The following TVP23A variants were observed in gnomAD, a reference collection of about 807,000 sequenced individuals.
The protein encoded by TVP23A is Golgi apparatus membrane protein TVP23 homolog A.
Under a neutral mutation model 31.7 loss-of-function variants are expected in TVP23A, and 21 were observed. The ratio of observed to expected loss-of-function variants is 0.66; its 90% confidence interval spans 0.47 to 0.95. The LOEUF is 0.95. Ranked by LOEUF, TVP23A falls within the 40% of genes least tolerant of loss-of-function variation. The pLI is 0.00. For synonymous variants in TVP23A, 104 were observed against 96.0 expected (o/e 1.08, Z -0.49); for missense variants, 279 against 255.6 (o/e 1.09, Z -0.62).
chr16:10,798,654 GTTTTGTTTTTGT>G (rs58138056), intron 2 of TVP23A, among the ~76,000 whole-genome samples: 14 of 151,730 alleles, frequency 9.2e-5, no homozygotes, highest in African/African-American at 3.4e-4. Context: ...GGCAGCTTAT[GTTTTGTTTTTGT>G]TTTTGTTTTT....
intron 2 of TVP23A, among the ~76,000 whole-genome samples, chr16:10,809,060 C>G (rs1398428858): frequency 6.6e-6 from 1 of 152,166 alleles, no homozygotes; most frequent in African/African-American, 2.4e-5. Flanking sequence ...CTGCACAGCC[C>G]AGGATGCGGA....
At chr16:10,775,302 T>G (rs1191438923) in intron 2 of TVP23A, 36 of 1,397,404 alleles carry the variant, frequency 2.6e-5, no homozygotes, top group Non-Finnish European at 5.6e-6. Flanking sequence ...TGACACTGTT[T>G]TTTTTCCTCC....
intron 2 of TVP23A, among the ~76,000 whole-genome samples, chr16:10,804,897 A>T (rs2033872164): frequency 6.6e-6 from 1 of 151,390 alleles, no homozygotes; most frequent in Non-Finnish European, 1.5e-5. Context: ...CATTTCCATC[A>T]CTCCAAAGCA....
chr16:10,773,549 AT>A lies in TVP23A; in HGVS notation c.325-109del, dbSNP rs547412589. On this transcript the variant is annotated intron_variant, in intron 4 of 7. Transcript: ENST00000299866. The stretch of plus-strand genomic sequence containing the variant: ...TTGCAGATGCTTTTGTTGCTGTGGG[AT>A]TTTTTGTTGTTGGTGTTGTTTTGTT... 2.4e-4 allele frequency: 330 copies of A among 1,358,494 alleles called. 1 individual carries two copies. The African/African-American group carries it at 4.4e-3, about 18-fold the overall frequency. The allele number at this position is 1,358,494 out of a possible 1,614,324, so 84.2% of individuals were successfully genotyped here.
rs374674704 is a variant in TVP23A at position 10,774,949 on chromosome 16, C to G, written c.234+3G>C. 3.7e-6 allele frequency: 6 copies of G among 1,612,196 alleles called. No homozygotes were observed. In the African/African-American group the frequency reaches 6.7e-5, roughly 18 times the overall value. On this transcript the variant is annotated splice_donor_region_variant and intron_variant, in intron 3 of 7. Coordinates refer to ENST00000299866, the MANE Select transcript of TVP23A (RefSeq NM_001079512.4). The stretch of plus-strand genomic sequence containing the variant: ...GTGATGACATCACACGAAAGGGCCT[C>G]ACCTTCACAGACCAGAAGTCCAGGG...
chr16:10,758,392 G>A (rs1900717889), downstream of TVP23A, among the ~76,000 whole-genome samples: 1 of 152,226 alleles, frequency 6.6e-6, no homozygotes, highest in Admixed American at 6.5e-5. Flanking sequence ...AGGATCATTT[G>A]AGCCTGGGGA....
At chr16:10,801,693 C>T (rs980436820) in intron 2 of TVP23A, among the ~76,000 whole-genome samples, 2 of 152,144 alleles carry the variant, frequency 1.3e-5, no homozygotes, top group Non-Finnish European at 2.9e-5. Flanking sequence ...TGAGCTCAGG[C>T]GATCCTCCCG....
Position 10,818,343 on chromosome 16 carries a change from C to A in TVP23A, c.9+142G>T. The A allele has an allele frequency of 7.2e-7, 1 of 1,385,040 alleles. No individual in the cohort carries two copies. Among genetic ancestry groups the A allele is most frequent in the Non-Finnish European group, 9.9e-7 (1 of 1,014,446 alleles). The allele number at this position is 1,385,040 out of a possible 1,614,324, so 85.8% of individuals were successfully genotyped here. A position where few individuals can be genotyped will look rare whatever the true frequency, so the allele number is the denominator to read the frequency against. Reference sequence around the variant, plus strand: ...CCTCCGCTGCGGCTGCAGTGCAAAGCCCTCTCCACCCTCCCGACCACCGGG... The same window carrying A: ...CCTCCGCTGCGGCTGCAGTGCAAAGACCTCTCCACCCTCCCGACCACCGGG... On this transcript the variant is annotated intron_variant, in intron 1 of 7. Transcript: ENST00000299866. This position sits in a 1 kb window ranked among gnomAD's most constrained non-coding sequence, Gnocchi z 4.7.
At chr16:10,759,768 T>C (rs182423634), downstream of TVP23A, among the ~76,000 whole-genome samples, 13 of 152,242 alleles carry the variant, frequency 8.5e-5, no homozygotes, top group African/African-American at 3.1e-4. The surrounding 1 kb of genome is among the most constrained non-coding windows in gnomAD (Gnocchi z 4.7). Context: ...AGAGCAAGAC[T>C]CTGTCTCAAA....
Position 10,777,498 on chromosome 16 carries a change from C to T in TVP23A, c.90-2402G>A, listed in dbSNP as rs560418591. On this transcript the variant is annotated intron_variant, in intron 2 of 7. Transcript: ENST00000299866. This position sits in a 1 kb window ranked among gnomAD's most constrained non-coding sequence, Gnocchi z 4.5. ...CCTGCTCATTCTCCCCAAGAAGAAACGGAGTCCGAGTCAACAAACCACAGG... is the reference window on the plus strand; with the variant it reads ...CCTGCTCATTCTCCCCAAGAAGAAATGGAGTCCGAGTCAACAAACCACAGG... Among the ~76,000 whole-genome samples the T allele has an allele frequency of 9.2e-5, 14 of 152,226 alleles. No individual in the cohort carries two copies. The highest frequency in any genetic ancestry group is 2.2e-4 in the African/African-American group (9 of 41,540).
chr16:10,796,244 G>T (rs1025275625), intron 2 of TVP23A, among the ~76,000 whole-genome samples: 9 of 151,864 alleles, frequency 5.9e-5, no homozygotes, highest in African/African-American at 1.9e-4. Context: ...GGAGGCTGAG[G>T]TGAGAGCCTC....
At chr16:10,786,916 G>C (rs1165266512) in intron 2 of TVP23A, among the ~76,000 whole-genome samples, 1 of 151,452 alleles carries the variant, frequency 6.6e-6, no homozygotes, top group African/African-American at 2.4e-5. Context: ...TGGGTACCTA[G>C]ATGGCCCAGC....
At chr16:10,816,245 A>G (rs1012504416) in intron 2 of TVP23A, among the ~76,000 whole-genome samples, 98 of 151,708 alleles carry the variant, frequency 6.5e-4, no homozygotes, top group East Asian at 7.7e-4. Context: ...AAAAAAAAAA[A>G]AAAGAAATCC....
At chr16:10,790,279 A>ATTTTTTTTTTTTTTTT (rs376916439) in intron 2 of TVP23A, among the ~76,000 whole-genome samples, 1 of 114,536 alleles carries the variant, frequency 8.7e-6, no homozygotes. Context: ...TTGGGGTAAA[A>ATTTTTTTTTTTTTTTT]TTTTTTTTTT....
intron 2 of TVP23A, among the ~76,000 whole-genome samples, chr16:10,786,919 G>A (rs8055116): frequency 0.024 from 3,585 of 151,780 alleles, 162 homozygotes; most frequent in African/African-American, 0.081. Flanking sequence ...GTACCTAGAT[G>A]GCCCAGCTGT....
At chr16:10,793,794 G>C (rs912655498) in intron 2 of TVP23A, among the ~76,000 whole-genome samples, 7 of 149,498 alleles carry the variant, frequency 4.7e-5, no homozygotes, top group African/African-American at 1.7e-4. Context: ...ACCTATGTGG[G>C]AGGCTGAAGT....
intron 2 of TVP23A, among the ~76,000 whole-genome samples, chr16:10,812,688 T>C (rs1445868838): frequency 2.6e-5 from 4 of 152,284 alleles, no homozygotes; most frequent in Middle Eastern, 3.4e-3. Context: ...ATGGGGTCCC[T>C]AGAGTAGTCA....
chr16:10,789,856 T>G (rs7200230), intron 2 of TVP23A, among the ~76,000 whole-genome samples: 37,167 of 149,666 alleles, frequency 0.25, 10,771 homozygotes, highest in African/African-American at 0.68. Flanking sequence ...AGGTACAATG[T>G]TACATTTGTT....
At chr16:10,770,607 T>G (rs1596490375) in intron 6 of TVP23A, among the ~76,000 whole-genome samples, 2 of 150,902 alleles carry the variant, frequency 1.3e-5, no homozygotes, top group African/African-American at 4.9e-5. Flanking sequence ...GCACGGTAGC[T>G]CCCGCCTGTA....
Sources: gnomAD v4.1 joint callset for allele counts (sites outside exome capture counted in the v4.1 genomes callset) on GRCh38, gnomAD v4.1.1 for gene constraint, Gnocchi (gnomAD v3.1) non-coding constraint, MANE v1.5 for transcripts, NCBI Gene and HGNC (gene_info 2026-07-23, HGNC 2026-07-21) for gene names.